The following PLEKHG1 variants were observed in gnomAD, a reference collection of about 807,000 sequenced individuals.
PLEKHG1 encodes the protein pleckstrin homology domain-containing family G member 1.
PLEKHG1 carries 44 observed loss-of-function variants against 100.8 expected under a neutral mutation model. The observed-to-expected ratio is 0.44, with a 90% confidence interval of 0.34 to 0.56. The LOEUF is 0.56. Among genes scored for constraint, PLEKHG1 ranks in the 20% least tolerant of loss-of-function variants. The pLI is 0.01. For missense variants in PLEKHG1, 1,545 were observed against 1,720.9 expected, an observed-to-expected ratio of 0.90 and a Z score of 1.81; for synonymous variants, 640 against 662.5, an observed-to-expected ratio of 0.97 and a Z score of 0.52.
In PLEKHG1 at chr6:150,600,028, G is replaced by C; in HGVS notation, c.-204+11G>C. ...GCCGTCCCTCCCCGGGTAAGCGCCG[G>C]TCGGGCCCGGACGCCCTGGGGACTT... On this transcript the variant is annotated intron_variant, in intron 1 of 3. Transcript: ENST00000367326. The surrounding 1 kb of genome is among the most constrained non-coding windows in gnomAD (Gnocchi z 6.2). 4.3e-6 allele frequency: 1 copy of C among 231,110 alleles called. No homozygotes were observed. Among genetic ancestry groups the C allele is most frequent in the Non-Finnish European group, 9.3e-6 (1 of 107,758 alleles). 14.3% of individuals were successfully genotyped at this position (231,110 alleles called of 1,614,324 possible). A position where few individuals can be genotyped will look rare whatever the true frequency, so the allele number is the denominator to read the frequency against.
At chr6:150,671,346 T>G (rs182260238) in intron 3 of PLEKHG1, among the ~76,000 whole-genome samples, 2 of 152,194 alleles carry the variant, frequency 1.3e-5, no homozygotes, top group Non-Finnish European at 2.9e-5. Flanking sequence ...CTAGTTTATA[T>G]TCCCACCAGC....
At chr6:150,761,407 A>C (rs774009342) in intron 2 of PLEKHG1, among the ~76,000 whole-genome samples, 11 of 152,160 alleles carry the variant, frequency 7.2e-5, no homozygotes, top group Non-Finnish European at 1.3e-4. Context: ...TCCCAGGTTC[A>C]AGCGATTGTC....
At chr6:150,774,663 C>G (rs927546199) in intron 3 of PLEKHG1, among the ~76,000 whole-genome samples, 1 of 151,238 alleles carries the variant, frequency 6.6e-6, no homozygotes, top group Non-Finnish European at 1.5e-5. Context: ...GCCTCAGCCT[C>G]CCAAGTAGCT....
At chr6:150,786,090 G>A (rs1785606790) in intron 3 of PLEKHG1, among the ~76,000 whole-genome samples, 1 of 151,864 alleles carries the variant, frequency 6.6e-6, no homozygotes, top group African/African-American at 2.4e-5. Flanking sequence ...TTTGATGTCT[G>A]AATGAGCATG....
At chr6:150,690,658 G>A (rs1002654534) in intron 3 of PLEKHG1, among the ~76,000 whole-genome samples, 1 of 152,038 alleles carries the variant, frequency 6.6e-6, no homozygotes, top group Non-Finnish European at 1.5e-5. Context: ...TGAGAGGAAG[G>A]GTGCAAAATG....
At chr6:150,689,875 AAAAC>A (rs1347055597) in intron 3 of PLEKHG1, among the ~76,000 whole-genome samples, 2 of 152,086 alleles carry the variant, frequency 1.3e-5, no homozygotes, top group South Asian at 2.1e-4. Flanking sequence ...AAAAAAAAGA[AAAAC>A]AGAAGAAGAA....
At chr6:150,617,275 A>C (rs1024709292) in intron 1 of PLEKHG1, among the ~76,000 whole-genome samples, 1 of 152,200 alleles carries the variant, frequency 6.6e-6, no homozygotes, top group African/African-American at 2.4e-5. Context: ...ACTTGTTTTC[A>C]TGGTGGCCCA....
intron 12 of PLEKHG1, among the ~76,000 whole-genome samples, chr6:150,820,982 C>T (rs1047352218): frequency 1.3e-5 from 2 of 152,162 alleles, no homozygotes; most frequent in African/African-American, 4.8e-5. Context: ...TTGGGTGACT[C>T]CTGATAACAC....
intron 2 of PLEKHG1, among the ~76,000 whole-genome samples, chr6:150,766,555 T>G (rs1784463679): frequency 1.3e-5 from 2 of 152,218 alleles, no homozygotes; most frequent in Non-Finnish European, 2.9e-5. Context: ...TTTGATCTGT[T>G]TTCTAGAGTG....
At chr6:150,603,828 TCTC>T (rs762221999) in intron 1 of PLEKHG1, among the ~76,000 whole-genome samples, 1 of 152,206 alleles carries the variant, frequency 6.6e-6, no homozygotes, top group Non-Finnish European at 1.5e-5. Flanking sequence ...AATCCATAAC[TCTC>T]CTCTTCTTTT....
intron 3 of PLEKHG1, among the ~76,000 whole-genome samples, chr6:150,703,617 A>AAAC (rs1554261741): frequency 2.4e-4 from 36 of 151,300 alleles, no homozygotes; most frequent in South Asian, 6.3e-4. Context: ...AAAAAAAACA[A>AAAC]AACAACTTTT....
At position 150,610,258 on chromosome 6, in the gene PLEKHG1, T is replaced by C. The variant is rs1024109727; in HGVS notation, c.-204+10241T>C. Reference sequence around the variant, plus strand: ...CTGGGATTACAGGCACCTGCCACCATGCTTGGCTAATTTTTGTATTTTTAG... The same window carrying C: ...CTGGGATTACAGGCACCTGCCACCACGCTTGGCTAATTTTTGTATTTTTAG... On this transcript the variant is annotated intron_variant, in intron 1 of 3. Coordinates refer to the PLEKHG1 transcript ENST00000367326. Among the ~76,000 whole-genome samples, 27 of 152,300 alleles carry C rather than the reference T, an allele frequency of 1.8e-4. 1 individual carries two copies. The highest frequency in any genetic ancestry group is 1.2e-3 in the Admixed American group (18 of 15,304).
At chr6:150,808,652 C>T (rs1787288969) in intron 7 of PLEKHG1, among the ~76,000 whole-genome samples, 1 of 152,174 alleles carries the variant, frequency 6.6e-6, no homozygotes, top group South Asian at 2.1e-4. Context: ...ACTCAGGAGG[C>T]TGAGGCAGGA....
intron 1 of PLEKHG1, among the ~76,000 whole-genome samples, chr6:150,616,079 A>G (rs375763547): frequency 5.3e-5 from 8 of 152,316 alleles, no homozygotes; most frequent in South Asian, 2.1e-4. Context: ...TCAGTGCCCA[A>G]CAGACTGGCC....
exon 16 of PLEKHG1, chr6:150,842,522 T>C (rs1777570116): frequency 6.6e-6 from 1 of 152,176 alleles, no homozygotes; most frequent in Non-Finnish European, 1.5e-5. Context: ...TATTTTTAAA[T>C]AACAAAAAAT....
chr6:150,674,632 C>CTCTCTCTCTCTCT lies in PLEKHG1; in HGVS notation c.-99+23846_-99+23847insTCTCTCTCTCTCT, dbSNP rs1562427503. On this transcript the variant is annotated intron_variant, in intron 3 of 3. Transcript: ENST00000367326. ...CACCTGTAACTTTCTCTCTCTCCTC[C>CTCTCTCTCTCTCT]CTCTCTCTCTCTCTCTCTCTCTCTC... Among the ~76,000 whole-genome samples the CTCTCTCTCTCTCT allele has an allele frequency of 2.7e-3, 181 of 66,298 alleles. 25 individuals carry two copies. Among genetic ancestry groups the CTCTCTCTCTCTCT allele is most frequent in the African/African-American group, 4.6e-3 (68 of 14,670 alleles). 43.5% of individuals were successfully genotyped at this position (66,298 alleles called of 152,430 possible).
At chr6:150,806,228 T>G (rs796450365) in intron 7 of PLEKHG1, among the ~76,000 whole-genome samples, 83 of 136,886 alleles carry the variant, frequency 6.1e-4, no homozygotes, top group African/African-American at 2.3e-3. Context: ...GGCTGCTTTT[T>G]TTTTTTTTTT....
chr6:150,714,815 T>C (rs1781363575), intron 3 of PLEKHG1, among the ~76,000 whole-genome samples: 2 of 150,664 alleles, frequency 1.3e-5, no homozygotes, highest in African/African-American at 4.9e-5. Context: ...GACAGAATTT[T>C]TTTCTTTTTT....
At chr6:150,841,047 A>G in exon 16 of PLEKHG1, 1 of 723,924 alleles carries the variant, frequency 1.4e-6, no homozygotes, top group South Asian at 1.5e-5. Flanking sequence ...CAACTTTTGG[A>G]AATGGCTGAC....
Sources: allele counts gnomAD v4.1 joint callset (sites outside exome capture counted in the v4.1 genomes callset), GRCh38; gene constraint gnomAD v4.1.1; non-coding constraint Gnocchi (gnomAD v3.1); transcripts MANE v1.5; gene names NCBI Gene and HGNC (gene_info 2026-07-23, HGNC 2026-07-21).